The following PDAP1 variants were observed in gnomAD, a reference collection of about 807,000 sequenced individuals.
PDAP1 encodes PDGFA associated protein 1, also known as 28 kDa heat- and acid-stable phosphoprotein.
A neutral mutation model predicts 28.0 loss-of-function variants in PDAP1; 13 were observed. That is an observed-to-expected ratio of 0.46 (90% CI 0.30 to 0.74). The LOEUF (loss-of-function observed/expected upper bound fraction) is 0.74. PDAP1 is among the 30% of genes least tolerant of loss of function. PDAP1 has a pLI of 0.07. For synonymous variants in PDAP1, 77 were observed against 85.1 expected (o/e 0.91, Z 0.52); for missense variants, 150 against 230.0 (o/e 0.65, Z 2.25).
At chr7:99,407,386 T>C (rs1794995670) in intron 1 of PDAP1, among the ~76,000 whole-genome samples, 1 of 152,142 alleles carries the variant, frequency 6.6e-6, no homozygotes, top group African/African-American at 2.4e-5. Flanking sequence ...ATGAAGGGAC[T>C]GGGGAACAAT....
chr7:99,396,819 A>T, intron 5 of PDAP1, 79 bp from the exon 6 acceptor site: 1 of 1,115,682 alleles, frequency 9.0e-7, no homozygotes, highest in Non-Finnish European at 1.3e-6. Context: ...GAACCCTAGA[A>T]CTTTAGGTCT....
rs952551235 is a variant in PDAP1 at position 99,397,992 on chromosome 7, C to T, written c.357G>A (p.Lys119=). 1 of 1,614,124 alleles carries T rather than the reference C, an allele frequency of 6.2e-7. No homozygotes were observed. Among genetic ancestry groups the T allele is most frequent in the Non-Finnish European group, 8.5e-7 (1 of 1,180,056 alleles). ...RREREEIEKQ[K]AKERYMKMHL... ...GCATTTTCATGTAACGCTCTTTTGCCTTCTGCTTCTCAATCTCTTCTCTGT... is the reference window on the plus strand; with the variant it reads ...GCATTTTCATGTAACGCTCTTTTGCTTTCTGCTTCTCAATCTCTTCTCTGT... Residue 119 remains lysine, a synonymous_variant, in exon 5 of 6, where the codon AAG becomes AAA. Transcript: ENST00000350498.
intron 4 of PDAP1, among the ~76,000 whole-genome samples, chr7:99,400,006 A>T (rs1794834814): frequency 6.6e-6 from 1 of 152,158 alleles, no homozygotes; most frequent in African/African-American, 2.4e-5. Flanking sequence ...GGGTAAGGGA[A>T]GTCTCCCCAG....
At position 99,395,407 on chromosome 7, in the gene PDAP1, C is replaced by G. The variant is rs1458287420; in HGVS notation, c.*1275G>C. The G allele has an allele frequency of 6.6e-6, 1 of 152,216 alleles. No individual in the cohort carries two copies. The highest frequency in any genetic ancestry group is 1.5e-5 in the Non-Finnish European group (1 of 68,058). The allele number at this position is 152,216 out of a possible 1,614,324, so 9.4% of individuals were successfully genotyped here. ...CTCAGATGATCCACCCACCTCACCTCCCAAAGTGCTGGGATTACAGGCATG... is the reference window on the plus strand; with the variant it reads ...CTCAGATGATCCACCCACCTCACCTGCCAAAGTGCTGGGATTACAGGCATG... On this transcript the variant is annotated 3_prime_UTR_variant, in exon 6 of 6. Coordinates refer to ENST00000350498, the MANE Select transcript of PDAP1 (RefSeq NM_014891.7).
chr7:99,396,608 C>T lies in PDAP1; in HGVS notation c.*74G>A, dbSNP rs938406716. ...GGGCTGTTGCAGCGGCGCCAGGGCA[C>T]AGGGTGGGCGAGACACAGCAGAGGT... On this transcript the variant is annotated 3_prime_UTR_variant, in exon 6 of 6. Transcript: ENST00000350498. The T allele has an allele frequency of 6.9e-6, 9 of 1,305,492 alleles. No homozygotes were observed. The highest frequency in any genetic ancestry group is 4.6e-5 in the East Asian group (2 of 43,068). The allele number at this position is 1,305,492 out of a possible 1,614,324, so 80.9% of individuals were successfully genotyped here.
At chr7:99,407,081 A>G (rs1481804086) in intron 1 of PDAP1, among the ~76,000 whole-genome samples, 2 of 152,094 alleles carry the variant, frequency 1.3e-5, no homozygotes, top group Non-Finnish European at 2.9e-5. Flanking sequence ...TTTATAGTAG[A>G]CTCTTCAAGA....
In PDAP1 at chr7:99,408,520, G is replaced by A. The variant is rs1295115409; in HGVS notation, c.13+16C>T. 2 of 1,319,874 alleles carry A rather than the reference G, an allele frequency of 1.5e-6. No homozygotes were observed. Among genetic ancestry groups the A allele is most frequent in the Non-Finnish European group, 1.9e-6 (2 of 1,033,546 alleles). 81.8% of individuals were successfully genotyped at this position (1,319,874 alleles called of 1,614,324 possible). On this transcript the variant is annotated intron_variant, in intron 1 of 5. Transcript: ENST00000350498. ...CGCCCCTCCAGGCCTGCGGGCCACC[G>A]GCGCCCGCCCCTCACCTCCTTTAGG...
At chr7:99,400,773 T>C (rs1168030995) in intron 3 of PDAP1, among the ~76,000 whole-genome samples, 1 of 152,150 alleles carries the variant, frequency 6.6e-6, no homozygotes, top group Non-Finnish European at 1.5e-5. Flanking sequence ...TGGAATCCCA[T>C]GCCTGATTCT....
At chr7:99,402,107 T>C (rs1004828952) in intron 3 of PDAP1, among the ~76,000 whole-genome samples, 14 of 150,936 alleles carry the variant, frequency 9.3e-5, no homozygotes, top group African/African-American at 3.4e-4. Flanking sequence ...ACCTCTACGG[T>C]AGTCCCAGCT....
In PDAP1 at chr7:99,408,564, T is replaced by G. The variant is rs752408460; in HGVS notation, c.-16A>C. On this transcript the variant is annotated 5_prime_UTR_variant, in exon 1 of 6. Transcript: ENST00000350498. The stretch of plus-strand genomic sequence containing the variant: ...CTTTAGGCATTGCGGCTCCGGCGGC[T>G]GCGGCGGCGGCGGCGGCGCCTCGAA... 16 of 1,264,496 alleles carry G rather than the reference T, an allele frequency of 1.3e-5. No homozygotes were observed. Among genetic ancestry groups the G allele is most frequent in the African/African-American group, 3.1e-5 (2 of 64,188 alleles). 78.3% of individuals were successfully genotyped at this position (1,264,496 alleles called of 1,614,324 possible).
intron 1 of PDAP1, among the ~76,000 whole-genome samples, chr7:99,405,918 C>G (rs1270537920): frequency 3.3e-5 from 5 of 152,270 alleles, no homozygotes; most frequent in East Asian, 3.9e-4. Flanking sequence ...ATACAGAAAG[C>G]TGCTGGAACA....
chr7:99,403,548 C>A, intron 2 of PDAP1, 43 bp from the exon 3 acceptor site: 2 of 1,258,362 alleles, frequency 1.6e-6, no homozygotes, highest in Non-Finnish European at 2.3e-6. Flanking sequence ...AAATGCAAAA[C>A]AAATCCCCAA....
At chr7:99,400,242 TC>T in intron 4 of PDAP1, 60 bp downstream of exon 4, 3 of 1,589,064 alleles carry the variant, frequency 1.9e-6, no homozygotes, top group Non-Finnish European at 2.6e-6. Context: ...GACCTTAGCA[TC>T]CCACAGGCCA....
At chr7:99,400,453 G>A in intron 3 of PDAP1, 29 bp from the exon 4 acceptor site, 2 of 1,613,678 alleles carry the variant, frequency 1.2e-6, no homozygotes, top group Middle Eastern at 1.7e-4. Context: ...CTGGTTGTTG[G>A]AGTTCAGGTC....
intron 1 of PDAP1, among the ~76,000 whole-genome samples, chr7:99,407,438 G>A (rs1195453013): frequency 6.6e-6 from 1 of 152,216 alleles, no homozygotes; most frequent in Non-Finnish European, 1.5e-5. Flanking sequence ...TCAGTAGAGA[G>A]CTAGGTTTAA....
chr7:99,400,763 T>C (rs1794850171), intron 3 of PDAP1, among the ~76,000 whole-genome samples: 2 of 152,182 alleles, frequency 1.3e-5, no homozygotes, highest in African/African-American at 4.8e-5. Context: ...CAGTTTTCCA[T>C]GGAATCCCAT....
chr7:99,407,461 C>T lies in PDAP1; in HGVS notation c.13+1075G>A, dbSNP rs559719030. Among the ~76,000 whole-genome samples the T allele has an allele frequency of 2.6e-5, 4 of 152,308 alleles. No individual in the cohort carries two copies. The East Asian group carries it at 7.7e-4, about 29-fold the overall frequency. ...GAGCTAGGTTTAAACACATTTAGCT[C>T]TGTAATGCCCAATTATCTCTGGAGT... On this transcript the variant is annotated intron_variant, in intron 1 of 5. Coordinates refer to ENST00000350498, the MANE Select transcript of PDAP1 (RefSeq NM_014891.7).
Position 99,394,742 on chromosome 7 carries a change from CT to C in PDAP1, c.*1939del. On this transcript the variant is annotated 3_prime_UTR_variant, in exon 6 of 6. Coordinates refer to ENST00000350498, the MANE Select transcript of PDAP1 (RefSeq NM_014891.7). ...CCCAAAGCACTATGCTGGTCATGAA[CT>C]GCTTCAAAATGTGGAGGTAATAAAA... 1 of 1,196,866 alleles carries C rather than the reference CT, an allele frequency of 8.4e-7. No individual in the cohort carries two copies. The highest frequency in any genetic ancestry group is 1.0e-6 in the Non-Finnish European group (1 of 979,518). 74.1% of individuals were successfully genotyped at this position (1,196,866 alleles called of 1,614,324 possible).
At chr7:99,407,153 A>T (rs2150908912) in intron 1 of PDAP1, among the ~76,000 whole-genome samples, 1 of 152,338 alleles carries the variant, frequency 6.6e-6, no homozygotes, top group Admixed American at 6.5e-5. Flanking sequence ...GCTCTTAGGG[A>T]GTTTGATACT....
Sources: gnomAD v4.1 joint callset for allele counts (sites outside exome capture counted in the v4.1 genomes callset) on GRCh38, gnomAD v4.1.1 for gene constraint, MANE v1.5 for transcripts, NCBI Gene and HGNC (gene_info 2026-07-23, HGNC 2026-07-21) for gene names.